Variants in NKD2 observed in about 807,000 individuals in gnomAD.
NKD2 encodes the protein NKD inhibitor of Wnt signaling pathway 2.
Under a neutral mutation model 34.8 loss-of-function variants are expected in NKD2, and 43 were observed. The observed-to-expected ratio is 1.24, with a 90% CI of 0.97 to 1.60. The LOEUF is 1.60. Among genes scored for constraint, NKD2 ranks in the 40% most tolerant of loss-of-function variants. NKD2 has a pLI of 0.00. For synonymous variants in NKD2, 278 were observed against 265.1 expected (o/e 1.05, Z -0.47); for missense variants, 675 against 627.1 (o/e 1.08, Z -0.82).
In NKD2 at chr5:1,036,279, C is replaced by A; in HGVS notation, c.682C>A (p.Pro228Thr). The A allele has an allele frequency of 6.2e-7, 1 of 1,610,390 alleles. No homozygotes were observed. Among genetic ancestry groups the A allele is most frequent in the Non-Finnish European group, 8.5e-7 (1 of 1,178,534 alleles). The change falls in exon 9 of 10, where the codon CCC becomes ACC. Residue 228 changes from proline (P) to threonine (T), a missense_variant. By Grantham distance (38) the Pro-to-Thr change is conservative. Transcript: ENST00000296849. ...HVRRPSTDPQ[P>T]CSERGPYCVD... ...CAGGAGGCCCAGTACTGACCCCCAG[C>A]CCTGCTCGGAGCGGGGGCCCTACTG...
intron 5 of NKD2, 96 bp from the exon 6 acceptor site, chr5:1,034,139 C>G: frequency 1.2e-6 from 1 of 859,294 alleles, no homozygotes; most frequent in Non-Finnish European, 1.8e-6. Flanking sequence ...GCATGAGGGA[C>G]CCCTGGGAAA....
intron 3 of NKD2, among the ~76,000 whole-genome samples, chr5:1,016,110 C>T (rs1480063533): frequency 6.6e-6 from 1 of 152,224 alleles, no homozygotes; most frequent in Non-Finnish European, 1.5e-5. Flanking sequence ...CCCCCCACAC[C>T]GGACACTTCC....
rs558412652 is a variant in NKD2, at chr5:1,036,922, C to T, written c.787+538C>T. On this transcript the variant is annotated intron_variant, in intron 9 of 9. Transcript: ENST00000296849. ...GTGGATGGCAGCCAGGCAGTGTGGA[C>T]GGCGGGCAGTGTGGATGGCAGGCGG... is the stretch of plus-strand genomic sequence containing the variant. The T allele has an allele frequency of 2.0e-4, 79 of 397,534 alleles. 2 individuals carry two copies. The highest frequency in any genetic ancestry group is 1.0e-3 in the African/African-American group (46 of 44,498). 24.6% of individuals were successfully genotyped at this position (397,534 alleles called of 1,614,324 possible). A position where few individuals can be genotyped will look rare whatever the true frequency, so the allele number is the denominator to read the frequency against.
rs565925360 is a variant in NKD2, at chr5:1,038,373, G to A, written c.1356G>A (p.Ter452=). 3.3e-5 allele frequency: 50 copies of A among 1,535,694 alleles called. No homozygotes were observed. The highest frequency in any genetic ancestry group is 4.2e-5 in the Non-Finnish European group (48 of 1,146,882). Residue 452 remains the stop codon, a stop_retained_variant, in exon 10 of 10, where the codon TAG becomes TAA. Coordinates refer to ENST00000296849, the MANE Select transcript of NKD2 (RefSeq NM_033120.4). The surrounding 1 kb of genome is among the most constrained non-coding windows in gnomAD (Gnocchi z 4.5). The part of the protein sequence containing the change: ...HHHHHHFHPS[*] Reference sequence around the variant, plus strand: ...ACCACCACCACTTCCACCCGTCCTAGCGCCACTGCCAAGCACACCTCGCTC... The same window carrying A: ...ACCACCACCACTTCCACCCGTCCTAACGCCACTGCCAAGCACACCTCGCTC...
intron 6 of NKD2, 70 bp from the exon 7 acceptor site, chr5:1,034,686 T>A: frequency 6.6e-7 from 1 of 1,521,448 alleles, no homozygotes; most frequent in Non-Finnish European, 9.0e-7. Flanking sequence ...CTGGATGTGT[T>A]TTCTGGCAGG....
chr5:1,021,527 AGT>A (rs1452150802), intron 3 of NKD2, among the ~76,000 whole-genome samples: 1 of 151,408 alleles, frequency 6.6e-6, no homozygotes, highest in Non-Finnish European at 1.5e-5. Flanking sequence ...ACTGGCGCAC[AGT>A]GTTGCTGTAG....
chr5:1,034,285 G>T lies in NKD2; in HGVS notation c.381G>T (p.Thr127=). 1 of 1,612,808 alleles carries T rather than the reference G, an allele frequency of 6.2e-7. No homozygotes were observed. The highest frequency in any genetic ancestry group is 8.5e-7 in the Non-Finnish European group (1 of 1,179,896). The part of the protein sequence containing the change: ...SVEEDDRQEW[T]FTLYDFDNCG... Reference sequence around the variant, plus strand: ...AGGAGGACGACCGCCAGGAGTGGACGTTCACGCTCTATGACTTTGACAACT... The same window carrying T: ...AGGAGGACGACCGCCAGGAGTGGACTTTCACGCTCTATGACTTTGACAACT... The change falls in exon 6 of 10, where the codon ACG becomes ACT. Residue 127 remains threonine (T), a synonymous_variant. Coordinates refer to ENST00000296849, the MANE Select transcript of NKD2 (RefSeq NM_033120.4).
intron 9 of NKD2, chr5:1,037,436 T>C: frequency 8.0e-7 from 1 of 1,250,800 alleles, no homozygotes; most frequent in Non-Finnish European, 1.1e-6. Flanking sequence ...TCAAATCTAT[T>C]TTGTAATGAG....
chr5:1,037,599 G>T (rs533299225), intron 9 of NKD2: 7 of 1,535,874 alleles, frequency 4.6e-6, no homozygotes, highest in Non-Finnish European at 6.1e-6. Context: ...GCCTTTGCAG[G>T]GAGCTGTGGA....
rs767613138 is a variant in NKD2, at chr5:1,009,099, T to TAGGGCGGG, written c.25+26_25+33dup. ...CGAAGCACGGTGAGCCGCGGGCCGGTAGGGCGGGAGGGCGGGCGGGCGGGC... is the reference window on the plus strand; with the variant it reads ...CGAAGCACGGTGAGCCGCGGGCCGGTAGGGCGGGAGGGCGGGAGGGCGGGCGGGCGGGC... On this transcript the variant is annotated intron_variant, in intron 1 of 9. Coordinates refer to ENST00000296849, the MANE Select transcript of NKD2 (RefSeq NM_033120.4). This position sits in a 1 kb window ranked among gnomAD's most constrained non-coding sequence, Gnocchi z 6.9. 3,891 of 142,890 alleles carry TAGGGCGGG rather than the reference T, an allele frequency of 0.027. 25 individuals carry two copies. The highest frequency in any genetic ancestry group is 0.032 in the Non-Finnish European group (2,822 of 89,048). The allele number at this position is 142,890 out of a possible 1,614,324, so 8.9% of individuals were successfully genotyped here.
At chr5:1,016,758 C>T (rs1205451277) in intron 3 of NKD2, among the ~76,000 whole-genome samples, 1 of 152,226 alleles carries the variant, frequency 6.6e-6, no homozygotes, top group South Asian at 2.1e-4. Flanking sequence ...CCTCTCACAT[C>T]CGCTAAGGGG....
chr5:1,032,543 C>T (rs187186641), intron 4 of NKD2, among the ~76,000 whole-genome samples: 1 of 152,336 alleles, frequency 6.6e-6, no homozygotes, highest in East Asian at 1.9e-4. Flanking sequence ...TTCAAGTTAG[C>T]CCTGGGCTGG....
chr5:1,008,821 TCGCTGCCGC>T lies in NKD2; in HGVS notation c.-231_-223del, dbSNP rs975968524. The T allele has an allele frequency of 1.6e-5, 4 of 252,248 alleles. No homozygotes were observed. Among genetic ancestry groups the T allele is most frequent in the Admixed American group, 5.5e-5 (1 of 18,116 alleles). The allele number at this position is 252,248 out of a possible 1,614,324, so 15.6% of individuals were successfully genotyped here. A position where few individuals can be genotyped will look rare whatever the true frequency, so the allele number is the denominator to read the frequency against. On this transcript the variant is annotated 5_prime_UTR_variant, in exon 1 of 10. Coordinates refer to ENST00000296849, the MANE Select transcript of NKD2 (RefSeq NM_033120.4). ...GCGCTCAGAGGGAGCCGGGCCGCCG[TCGCTGCCGC>T]CGCTGTCCCCGCGCCCTGCGCCCGG...
intron 3 of NKD2, among the ~76,000 whole-genome samples, chr5:1,027,405 A>C (rs1316267966): frequency 1.3e-5 from 2 of 152,188 alleles, no homozygotes; most frequent in African/African-American, 4.8e-5. Flanking sequence ...CCCACTCCAG[A>C]GGGACCCGGG....
rs1331334178 is a variant in NKD2, at chr5:1,018,122, C to T, written c.141+8562C>T. Among the ~76,000 whole-genome samples, 4 of 152,112 alleles carry T rather than the reference C, an allele frequency of 2.6e-5. No homozygotes were observed. In the South Asian group the frequency reaches 6.2e-4, roughly 24 times the overall value. On this transcript the variant is annotated intron_variant, in intron 3 of 9. Coordinates refer to ENST00000296849, the MANE Select transcript of NKD2 (RefSeq NM_033120.4). Reference sequence around the variant, plus strand: ...CAGGCAGGGGCTGCGAGAGACACAGCGGAGGAAGAAGAATGGCGGCCCCCA... The same window carrying T: ...CAGGCAGGGGCTGCGAGAGACACAGTGGAGGAAGAAGAATGGCGGCCCCCA...
intron 3 of NKD2, among the ~76,000 whole-genome samples, chr5:1,016,002 G>A (rs143023460): frequency 0.011 from 1,751 of 152,340 alleles, 47 homozygotes; most frequent in African/African-American, 0.04. Flanking sequence ...CTGGAGGTGC[G>A]GAAGGAGCCC....
At chr5:1,026,983 C>T (rs1052550132) in intron 3 of NKD2, among the ~76,000 whole-genome samples, 1 of 152,266 alleles carries the variant, frequency 6.6e-6, no homozygotes, top group Non-Finnish European at 1.5e-5. Context: ...TTGGGCCTGG[C>T]AGCCCAGTTT....
chr5:1,035,363 GAGTA>G lies in NKD2; in HGVS notation c.575-24_575-21del, dbSNP rs750072344. The G allele has an allele frequency of 7.7e-5, 118 of 1,533,476 alleles. 1 individual carries two copies. In the South Asian group the frequency reaches 1.0e-3, roughly 14 times the overall value. 95.0% of individuals were successfully genotyped at this position (1,533,476 alleles called of 1,614,324 possible). A position where few individuals can be genotyped will look rare whatever the true frequency, so the allele number is the denominator to read the frequency against. On this transcript the variant is annotated intron_variant, in intron 7 of 9. Coordinates refer to ENST00000296849, the MANE Select transcript of NKD2 (RefSeq NM_033120.4). ...ATGCTGAATGAAGGAGGGAGGGAGT[GAGTA>G]ATGGCAGGACCCCCCTTTCAGACCG...
chr5:1,008,846 C>T lies in NKD2; in HGVS notation c.-212C>T, dbSNP rs1265588425. 3 of 325,260 alleles carry T rather than the reference C, an allele frequency of 9.2e-6. No individual in the cohort carries two copies. The highest frequency in any genetic ancestry group is 1.7e-5 in the Non-Finnish European group (3 of 180,184). 20.1% of individuals were successfully genotyped at this position (325,260 alleles called of 1,614,324 possible). A position where few individuals can be genotyped will look rare whatever the true frequency, so the allele number is the denominator to read the frequency against. On this transcript the variant is annotated 5_prime_UTR_variant, in exon 1 of 10. Coordinates refer to ENST00000296849, the MANE Select transcript of NKD2 (RefSeq NM_033120.4). ...TCGCTGCCGCCGCTGTCCCCGCGCC[C>T]TGCGCCCGGTGGCCCCCCACCTCCG...
Sources: allele counts gnomAD v4.1 joint callset (sites outside exome capture counted in the v4.1 genomes callset), GRCh38; gene constraint gnomAD v4.1.1; non-coding constraint Gnocchi (gnomAD v3.1); transcripts MANE v1.5; gene names NCBI Gene and HGNC (gene_info 2026-07-23, HGNC 2026-07-21).